ARHGEF40: variants seen among roughly 807,000 people sequenced by gnomAD.
ARHGEF40 encodes Rho guanine nucleotide exchange factor (GEF) 40.
In ARHGEF40, 98 loss-of-function variants were observed where a neutral mutation model predicts 165.9. The observed-to-expected ratio is 0.59, with a 90% CI of 0.50 to 0.70. The LOEUF (loss-of-function observed/expected upper bound fraction) is 0.70, where lower values mean the gene tolerates loss of function less well. Ranked by LOEUF, ARHGEF40 falls within the 30% of genes least tolerant of loss-of-function variation. The pLI is 0.00. For synonymous variants in ARHGEF40, 792 were observed against 814.3 expected (o/e 0.97, Z 0.47); for missense variants, 1,815 against 1,968.0 (o/e 0.92, Z 1.47).
intron 16 of ARHGEF40, among the ~76,000 whole-genome samples, chr14:21,083,205 C>T (rs1888067471): frequency 6.6e-6 from 1 of 152,058 alleles, no homozygotes; most frequent in Non-Finnish European, 1.5e-5. Flanking sequence ...AGGATCTAAG[C>T]ATCAGAAGAG....
At position 21,074,802 on chromosome 14, in the gene ARHGEF40, G is replaced by C; in HGVS notation, c.1072G>C (p.Gly358Arg). The C allele has an allele frequency of 1.9e-6, 3 of 1,601,628 alleles. No individual in the cohort carries two copies. Among genetic ancestry groups the C allele is most frequent in the Non-Finnish European group, 2.6e-6 (3 of 1,176,110 alleles). Residue 358 changes from glycine (G) to arginine (R), a missense_variant, in exon 3 of 24, where the codon GGA (glycine) becomes CGA (arginine). Transcript: ENST00000298694. This position sits in a 1 kb window ranked among gnomAD's most constrained non-coding sequence, Gnocchi z 4.8. ...CCTGAGGCCAGGGGAGCTTAGAGGA[G>C]GAGGAGGAGGAGGCCAGGGGGCTGA... is the stretch of plus-strand genomic sequence containing the variant. The part of the protein sequence containing the change: ...CPLRPGELRG[G>R]GGGGQGAEGP...
rs1283498340 is a variant in ARHGEF40 at position 21,073,463 on chromosome 14, C to T, written c.201+221C>T. Among the ~76,000 whole-genome samples, 1 of 149,570 alleles carries T rather than the reference C, an allele frequency of 6.7e-6. No homozygotes were observed. The highest frequency in any genetic ancestry group is 2.5e-5 in the African/African-American group (1 of 40,496). ...TAACACACACACACACACACACATT[C>T]ATCTTCCCCAAATTCATCTTGACCC... On this transcript the variant is annotated intron_variant, in intron 2 of 23. Transcript: ENST00000298694. This position sits in a 1 kb window ranked among gnomAD's most constrained non-coding sequence, Gnocchi z 4.6.
intron 11 of ARHGEF40, among the ~76,000 whole-genome samples, chr14:21,079,538 T>C (rs1202089782): frequency 2.0e-5 from 3 of 152,178 alleles, no homozygotes; most frequent in Admixed American, 6.5e-5. Flanking sequence ...TCTCTGAACC[T>C]TGATTCTTCT....
At chr14:21,082,799 G>T (rs376088684) in intron 15 of ARHGEF40, 32 bp from the exon 16 acceptor site, 2 of 1,602,574 alleles carry the variant, frequency 1.2e-6, no homozygotes, top group Admixed American at 3.4e-5. Flanking sequence ...CGGCCTCACC[G>T]GGGACTCCTT....
intron 19 of ARHGEF40, 84 bp from the exon 20 acceptor site, chr14:21,086,906 CGAAAAAAAAAA>C: frequency 1.2e-6 from 1 of 855,526 alleles, no homozygotes; most frequent in Non-Finnish European, 1.7e-6. Context: ...TGGGAAGGAA[CGAAAAAAAAAA>C]AAAAAGAAAA....
the ARHGEF40 span, among the ~76,000 whole-genome samples, chr14:21,065,149 C>T: frequency 2.0e-5 from 3 of 150,720 alleles, no homozygotes; most frequent in African/African-American, 4.9e-5. Flanking sequence ...CCAGCCTGGG[C>T]GATGAGCAAA....
chr14:21,082,529 C>T (rs1888008312), intron 15 of ARHGEF40, 51 bp downstream of exon 15: 1 of 1,500,620 alleles, frequency 6.7e-7, no homozygotes, highest in Non-Finnish European at 8.9e-7. Flanking sequence ...TCTGTTCCAG[C>T]CTCATCCATC....
upstream of ARHGEF40, among the ~76,000 whole-genome samples, chr14:21,068,781 C>CT (rs1368126515): frequency 2.0e-5 from 3 of 152,184 alleles, no homozygotes; most frequent in African/African-American, 7.2e-5. Context: ...GCCATAGGTT[C>CT]TTTTTTGACG....
Position 21,081,958 on chromosome 14 carries a change from G to A in ARHGEF40, c.3090G>A (p.Arg1030=), listed in dbSNP as rs1404828907. 2 of 1,602,166 alleles carry A rather than the reference G, an allele frequency of 1.2e-6. No individual in the cohort carries two copies. The highest frequency in any genetic ancestry group is 1.3e-5 in the African/African-American group (1 of 74,658). ...AGCTGGCTCCAGAAGCAGAGGGCAGGCCCCCAAGAGCTGTGCTGATCCGAG... is the reference window on the plus strand; with the variant it reads ...AGCTGGCTCCAGAAGCAGAGGGCAGACCCCCAAGAGCTGTGCTGATCCGAG... ...GPELAPEAEG[R]PPRAVLIRGL... Residue 1030 remains arginine, a synonymous_variant, in exon 14 of 24, where the codon AGG becomes AGA. Coordinates refer to ENST00000298694, the MANE Select transcript of ARHGEF40 (RefSeq NM_018071.5).
At position 21,074,108 on chromosome 14, in the gene ARHGEF40, T is replaced by G. The variant is rs576827585; in HGVS notation, c.378T>G (p.Pro126=). The G allele has an allele frequency of 1.2e-6, 2 of 1,614,074 alleles. No homozygotes were observed. The highest frequency in any genetic ancestry group is 2.2e-5 in the East Asian group (1 of 44,878). The part of the protein sequence containing the change: ...APRLALKCLA[P]GGGRVQEVPV... ...GACTAGCACTCAAGTGTCTGGCCCC[T>G]GGGGGTGGGCGGGTGCAGGAGGTTC... Residue 126 remains proline, a synonymous_variant, in exon 3 of 24, where the codon CCT becomes CCG. Transcript: ENST00000298694. This position sits in a 1 kb window ranked among gnomAD's most constrained non-coding sequence, Gnocchi z 4.8.
intron 1 of ARHGEF40, among the ~76,000 whole-genome samples, chr14:21,071,951 C>T (rs373320321): frequency 6.6e-6 from 1 of 152,228 alleles, no homozygotes; most frequent in South Asian, 2.1e-4. Flanking sequence ...GGATGGAGCT[C>T]AGAGAAAAAT....
chr14:21,070,405 T>C lies in ARHGEF40; in HGVS notation c.3+6T>C. ...CGGCCCGGCGCCGAGCCATGGTGAG[T>C]CCAGCGTCGCAGCCCCCTGGGTCCC... On this transcript the variant is annotated splice_donor_region_variant and intron_variant, in intron 1 of 23. Coordinates refer to ENST00000298694, the MANE Select transcript of ARHGEF40 (RefSeq NM_018071.5). This position sits in a 1 kb window ranked among gnomAD's most constrained non-coding sequence, Gnocchi z 4.7. The C allele has an allele frequency of 1.4e-6, 2 of 1,416,538 alleles. No individual in the cohort carries two copies. The highest frequency in any genetic ancestry group is 3.3e-5 in the Admixed American group (1 of 30,682). The allele number at this position is 1,416,538 out of a possible 1,614,324, so 87.7% of individuals were successfully genotyped here. A position where few individuals can be genotyped will look rare whatever the true frequency, so the allele number is the denominator to read the frequency against.
rs1484118138 is a variant in ARHGEF40 at position 21,070,764 on chromosome 14, C to G, written c.3+365C>G. ...TCCGAGCTCCTTACCCGCGGGAGACCCCTGCGGGTTGGTCCTGCAGCGACC... is the reference window on the plus strand; with the variant it reads ...TCCGAGCTCCTTACCCGCGGGAGACGCCTGCGGGTTGGTCCTGCAGCGACC... On this transcript the variant is annotated intron_variant, in intron 1 of 23. Coordinates refer to ENST00000298694, the MANE Select transcript of ARHGEF40 (RefSeq NM_018071.5). The surrounding 1 kb of genome is among the most constrained non-coding windows in gnomAD (Gnocchi z 4.7). The G allele has an allele frequency of 2.7e-6, 4 of 1,507,010 alleles. No individual in the cohort carries two copies. The highest frequency in any genetic ancestry group is 3.6e-6 in the Non-Finnish European group (4 of 1,121,470). 93.4% of individuals were successfully genotyped at this position (1,507,010 alleles called of 1,614,324 possible).
At chr14:21,062,948 TAAAAAA>T in the ARHGEF40 span, among the ~76,000 whole-genome samples, 1 of 128,148 alleles carries the variant, frequency 7.8e-6, no homozygotes, top group Non-Finnish European at 1.7e-5. Flanking sequence ...ACCTTGTCTC[TAAAAAA>T]AAAAAAAAAA....
At chr14:21,081,052 T>C (rs751255063) in intron 13 of ARHGEF40, 36 bp downstream of exon 13, 2 of 1,588,168 alleles carry the variant, frequency 1.3e-6, no homozygotes, top group Non-Finnish European at 1.7e-6. Flanking sequence ...TGCCCCCCCA[T>C]TTCCATTTAT....
Position 21,087,076 on chromosome 14 carries a change from G to A in ARHGEF40, c.4214G>A (p.Arg1405Gln), listed in dbSNP as rs763190840. The A allele has an allele frequency of 9.1e-5, 146 of 1,608,006 alleles. No homozygotes were observed. In the Admixed American group the frequency reaches 2.2e-3, roughly 24 times the overall value. The change falls in exon 20 of 24, where the codon CGG becomes CAG. Residue 1405 changes from arginine to glutamine, a missense_variant. Coordinates refer to ENST00000298694, the MANE Select transcript of ARHGEF40 (RefSeq NM_018071.5). The part of the protein sequence containing the change: ...PFLDIKALGE[R>Q]TLSALLTGRA... ...CTGGACATCAAAGCCCTTGGGGAGC[G>A]GACGCTGAGTGCCCTGCTCACTGGA...
In ARHGEF40 at chr14:21,074,321, G is replaced by C. The variant is rs780519105; in HGVS notation, c.591G>C (p.Gln197His). 5 of 1,614,046 alleles carry C rather than the reference G, an allele frequency of 3.1e-6. No individual in the cohort carries two copies. Among genetic ancestry groups the C allele is most frequent in the Middle Eastern group, 1.6e-4 (1 of 6,084 alleles). Residue 197 changes from glutamine to histidine, a missense_variant, in exon 3 of 24, where the codon CAG (glutamine) becomes CAC (histidine). Transcript: ENST00000298694. The surrounding 1 kb of genome is among the most constrained non-coding windows in gnomAD (Gnocchi z 4.8). ...AAGAGGGCCTCATGGTTGGACATCA[G>C]CCAAGTACACTGCCCCCAGAACTGC... ...VHKEGLMVGH[Q>H]PSTLPPELPS... is the part of the protein sequence containing the mutation.
At position 21,075,570 on chromosome 14, in the gene ARHGEF40, G is replaced by C. The variant is rs1429012754; in HGVS notation, c.1618+71G>C. 6.2e-7 allele frequency: 1 copy of C among 1,613,846 alleles called. No individual in the cohort carries two copies. Among genetic ancestry groups the C allele is most frequent in the East Asian group, 2.2e-5 (1 of 44,880 alleles). On this transcript the variant is annotated intron_variant, in intron 4 of 23. Transcript: ENST00000298694. The surrounding 1 kb of genome is among the most constrained non-coding windows in gnomAD (Gnocchi z 4.5). The stretch of plus-strand genomic sequence containing the variant: ...AAGCAATTGGGTGGGCTTGGGGACT[G>C]GGGGAGGCAGGGTGGAAAGGAGGTA...
intron 1 of ARHGEF40, among the ~76,000 whole-genome samples, chr14:21,071,597 C>T (rs1303273433): frequency 6.6e-6 from 1 of 152,170 alleles, no homozygotes; most frequent in Middle Eastern, 3.2e-3. Flanking sequence ...CGCCGCCTCC[C>T]TCCCCAGACC....
Sources: allele counts gnomAD v4.1 joint callset (sites outside exome capture counted in the v4.1 genomes callset), GRCh38; gene constraint gnomAD v4.1.1; non-coding constraint Gnocchi (gnomAD v3.1); transcripts MANE v1.5; gene names NCBI Gene and HGNC (gene_info 2026-07-23, HGNC 2026-07-21).